The following PCDHGB7 variants were observed in gnomAD, a reference collection of about 807,000 sequenced individuals.
The protein encoded by PCDHGB7 is protocadherin gamma subfamily B, 7, also known as protocadherin gamma-B7.
A neutral mutation model predicts 61.4 loss-of-function variants in PCDHGB7; 37 were observed. The ratio of observed to expected loss-of-function variants is 0.60; its 90% CI spans 0.46 to 0.79. PCDHGB7 has a LOEUF of 0.79. Ranked by LOEUF, PCDHGB7 falls within the 30% of genes least tolerant of loss-of-function variation. The pLI is 0.00. For missense variants in PCDHGB7, 1,166 were observed against 1,202.5 expected (o/e 0.97, Z 0.45); for synonymous variants, 464 against 503.5 (o/e 0.92, Z 1.05).
At chr5:141,492,312 C>G (rs1470136040) in intron 1 of PCDHGB7, among the ~76,000 whole-genome samples, 3 of 152,230 alleles carry the variant, frequency 2.0e-5, no homozygotes, top group Non-Finnish European at 4.4e-5. Context: ...CGCACGCACT[C>G]CTCGCACGTG....
At chr5:141,467,060 T>C (rs1304506319) in intron 1 of PCDHGB7, among the ~76,000 whole-genome samples, 1 of 151,520 alleles carries the variant, frequency 6.6e-6, no homozygotes, top group Non-Finnish European at 1.5e-5. Context: ...GTTTTCTTTT[T>C]TTTTTTTTTT....
intron 1 of PCDHGB7, among the ~76,000 whole-genome samples, chr5:141,492,336 A>G (rs1353947767): frequency 1.3e-5 from 2 of 152,072 alleles, no homozygotes; most frequent in East Asian, 3.9e-4. Context: ...TTACGCGAAT[A>G]CCAGCTTTCA....
At position 141,419,789 on chromosome 5, in the gene PCDHGB7, G is replaced by A. The variant is rs758649709; in HGVS notation, c.1930G>A (p.Val644Ile). Residue 644 changes from valine (V) to isoleucine (I), a missense_variant, in exon 1 of 4, where the codon GTC becomes ATC. Coordinates refer to ENST00000398594, the MANE Select transcript of PCDHGB7 (RefSeq NM_018927.4). ...DKDSVRQRLL[V>I]AVRDGGQPPL... ...GGACTCGGTCCGCCAGCGCCTGCTAGTCGCTGTAAGAGATGGAGGACAGCC... is the reference window on the plus strand; with the variant it reads ...GGACTCGGTCCGCCAGCGCCTGCTAATCGCTGTAAGAGATGGAGGACAGCC... The A allele has an allele frequency of 1.2e-6, 2 of 1,614,068 alleles. No individual in the cohort carries two copies. The highest frequency in any genetic ancestry group is 2.2e-5 in the South Asian group (2 of 91,092).
intron 2 of PCDHGB7, among the ~76,000 whole-genome samples, chr5:141,504,422 T>G (rs1375202110): frequency 6.6e-6 from 1 of 152,078 alleles, no homozygotes; most frequent in Admixed American, 6.6e-5. Context: ...AGACAGGCAC[T>G]ACAACAGCTG....
At position 141,489,358 on chromosome 5, in the gene PCDHGB7, G is replaced by A; in HGVS notation, c.2416-5449G>A. On this transcript the variant is annotated intron_variant, in intron 1 of 3. Transcript: ENST00000398594. This position sits in a 1 kb window ranked among gnomAD's most constrained non-coding sequence, Gnocchi z 4.5. ...TCGTTACTCAGTGGTGGAGGAGTCT[G>A]AGCCGGGGACGCTGGTGGGGAATGT... 1 of 1,613,144 alleles carries A rather than the reference G, an allele frequency of 6.2e-7. No individual in the cohort carries two copies. The highest frequency in any genetic ancestry group is 8.5e-7 in the Non-Finnish European group (1 of 1,179,278).
chr5:141,488,846 C>T (rs1359759383), intron 1 of PCDHGB7, among the ~76,000 whole-genome samples: 1 of 152,174 alleles, frequency 6.6e-6, no homozygotes, highest in African/African-American at 2.4e-5. Flanking sequence ...GCTGAATCAA[C>T]CTGCAGCACG....
Position 141,431,072 on chromosome 5 carries a change from A to G in PCDHGB7, c.2415+10798A>G. On this transcript the variant is annotated intron_variant, in intron 1 of 3. Transcript: ENST00000398594. The surrounding 1 kb of genome is among the most constrained non-coding windows in gnomAD (Gnocchi z 4.8). ...TATGGGGGCCATCAAGTGTCAATTA[A>G]ATCTAGACATTCTGATGGAGGATAA... is the stretch of plus-strand genomic sequence containing the variant. 1 of 1,614,220 alleles carries G rather than the reference A, an allele frequency of 6.2e-7. No individual in the cohort carries two copies. Among genetic ancestry groups the G allele is most frequent in the Non-Finnish European group, 8.5e-7 (1 of 1,180,012 alleles).
Position 141,419,809 on chromosome 5 carries a change from A to G in PCDHGB7, c.1950A>G (p.Gly650=), listed in dbSNP as rs1181621732. The G allele has an allele frequency of 1.2e-6, 2 of 1,613,916 alleles. No individual in the cohort carries two copies. The highest frequency in any genetic ancestry group is 2.7e-5 in the African/African-American group (2 of 74,940). ...TGCTAGTCGCTGTAAGAGATGGAGG[A>G]CAGCCACCCCTTTCAGCCACTGCCA... The part of the protein sequence containing the change: ...QRLLVAVRDG[G]QPPLSATATL... The change falls in exon 1 of 4, where the codon GGA becomes GGG. Residue 650 remains glycine (G), a synonymous_variant. Coordinates refer to ENST00000398594, the MANE Select transcript of PCDHGB7 (RefSeq NM_018927.4).
chr5:141,419,762 AAGGACTCG>A lies in PCDHGB7; in HGVS notation c.1904_1911del (p.Lys635SerfsTer30), dbSNP rs1468964539. On this transcript the variant is annotated frameshift_variant, in exon 1 of 4. Coordinates refer to ENST00000398594, the MANE Select transcript of PCDHGB7 (RefSeq NM_018927.4). LOFTEE classifies it high-confidence loss of function. Reference sequence around the variant, plus strand: ...GCGCATGGTGCGTGCTTTGGGTGACAAGGACTCGGTCCGCCAGCGCCTGCTAGTCGCTG... The same window carrying A: ...GCGCATGGTGCGTGCTTTGGGTGACAGTCCGCCAGCGCCTGCTAGTCGCTG... The A allele has an allele frequency of 1.2e-6, 2 of 1,614,008 alleles. No individual in the cohort carries two copies. The highest frequency in any genetic ancestry group is 2.2e-5 in the South Asian group (2 of 91,088).
In PCDHGB7 at chr5:141,431,118, A is replaced by T. The variant is rs2097344347; in HGVS notation, c.2415+10844A>T. On this transcript the variant is annotated intron_variant, in intron 1 of 3. Coordinates refer to ENST00000398594, the MANE Select transcript of PCDHGB7 (RefSeq NM_018927.4). This position sits in a 1 kb window ranked among gnomAD's most constrained non-coding sequence, Gnocchi z 4.8. ...GATAAAGTGAAAATATATGGAGTAG[A>T]AGTAGAAGTAAGGGACATTAACGAC... is the stretch of plus-strand genomic sequence containing the variant. The T allele has an allele frequency of 6.2e-7, 1 of 1,614,182 alleles. No homozygotes were observed. Among genetic ancestry groups the T allele is most frequent in the African/African-American group, 1.3e-5 (1 of 75,070 alleles).
At chr5:141,496,164 C>T (rs745320704) in intron 2 of PCDHGB7, among the ~76,000 whole-genome samples, 1 of 152,084 alleles carries the variant, frequency 6.6e-6, no homozygotes, top group Non-Finnish European at 1.5e-5. Context: ...CCACCAGACA[C>T]CCTCCCATCC....
intron 1 of PCDHGB7, among the ~76,000 whole-genome samples, chr5:141,484,288 C>T (rs1300726429): frequency 6.6e-6 from 1 of 152,176 alleles, no homozygotes; most frequent in African/African-American, 2.4e-5. Context: ...AAACATCTCC[C>T]TCTCCTGGCT....
intron 1 of PCDHGB7, among the ~76,000 whole-genome samples, chr5:141,445,567 T>C (rs1465765772): frequency 6.6e-6 from 1 of 152,142 alleles, no homozygotes; most frequent in Admixed American, 6.5e-5. Context: ...AGAGAAAGCT[T>C]ATAGTAGGGA....
rs1025148587 is a variant in PCDHGB7 at position 141,431,434 on chromosome 5, C to A, written c.2415+11160C>A. ...GGGGCGACCCGGTGCGCACAGGCAC[C>A]GCGCGCATCCGCGTGATGGTTCTGG... On this transcript the variant is annotated intron_variant, in intron 1 of 3. Transcript: ENST00000398594. This position sits in a 1 kb window ranked among gnomAD's most constrained non-coding sequence, Gnocchi z 4.8. 1.2e-6 allele frequency: 2 copies of A among 1,613,690 alleles called. No homozygotes were observed. Among genetic ancestry groups the A allele is most frequent in the Admixed American group, 1.7e-5 (1 of 60,014 alleles).
In PCDHGB7 at chr5:141,477,868, C is replaced by A; in HGVS notation, c.2416-16939C>A. The A allele has an allele frequency of 6.2e-7, 1 of 1,613,750 alleles. No homozygotes were observed. Among genetic ancestry groups the A allele is most frequent in the Non-Finnish European group, 8.5e-7 (1 of 1,179,908 alleles). ...CGGTGGAGATGCTGCCTCGAGGTAC[C>A]TCAGCTGGCCACCTAGTGTCACGGG... On this transcript the variant is annotated intron_variant, in intron 1 of 3. Coordinates refer to ENST00000398594, the MANE Select transcript of PCDHGB7 (RefSeq NM_018927.4). The surrounding 1 kb of genome is among the most constrained non-coding windows in gnomAD (Gnocchi z 4.9).
At chr5:141,503,089 G>C (rs1352372525) in intron 2 of PCDHGB7, among the ~76,000 whole-genome samples, 2 of 151,590 alleles carry the variant, frequency 1.3e-5, no homozygotes, top group Non-Finnish European at 2.9e-5. Context: ...TCCTGACCTC[G>C]TGGTCTGCCC....
In PCDHGB7 at chr5:141,512,845, A is replaced by G. The variant is rs1166488780; in HGVS notation, c.*1672A>G. On this transcript the variant is annotated 3_prime_UTR_variant, in exon 4 of 4. Coordinates refer to ENST00000398594, the MANE Select transcript of PCDHGB7 (RefSeq NM_018927.4). ...CTCCCCCGTACTGACTTCTCCTATA[A>G]GCGCTTCTCTTCGCATAGTCACGTA... The G allele has an allele frequency of 6.6e-6, 1 of 152,156 alleles. No individual in the cohort carries two copies. Among genetic ancestry groups the G allele is most frequent in the African/African-American group, 2.4e-5 (1 of 41,380 alleles). 9.4% of individuals were successfully genotyped at this position (152,156 alleles called of 1,614,324 possible).
intron 1 of PCDHGB7, among the ~76,000 whole-genome samples, chr5:141,481,693 C>T (rs755007426): frequency 1.8e-4 from 27 of 152,020 alleles, no homozygotes; most frequent in Admixed American, 7.9e-4. Context: ...GTGGCTCACG[C>T]CTGTAATCCC....
Position 141,459,563 on chromosome 5 carries a change from C to T in PCDHGB7, c.2416-35244C>T, listed in dbSNP as rs1382676727. On this transcript the variant is annotated intron_variant, in intron 1 of 3. Coordinates refer to ENST00000398594, the MANE Select transcript of PCDHGB7 (RefSeq NM_018927.4). ...TTTTATTTCTCTTGGATAAATACCCCAAAACAGAATTGTTTTGGGGGTCAT... is the reference window on the plus strand; with the variant it reads ...TTTTATTTCTCTTGGATAAATACCCTAAAACAGAATTGTTTTGGGGGTCAT... Among the ~76,000 whole-genome samples, 21 of 152,044 alleles carry T rather than the reference C, an allele frequency of 1.4e-4. 1 individual carries two copies.
Sources: gnomAD v4.1 joint callset for allele counts (sites outside exome capture counted in the v4.1 genomes callset) on GRCh38, gnomAD v4.1.1 for gene constraint, Gnocchi (gnomAD v3.1) non-coding constraint, MANE v1.5 for transcripts, NCBI Gene and HGNC (gene_info 2026-07-23, HGNC 2026-07-21) for gene names.